RNF128: variants seen among roughly 807,000 people sequenced by gnomAD.
RNF128 encodes E3 ubiquitin-protein ligase RNF128.
In RNF128, 13 loss-of-function variants were observed where a neutral mutation model predicts 26.2. The observed-to-expected ratio is 0.50, with a 90% CI of 0.32 to 0.79. The LOEUF is 0.79. RNF128 is among the 30% of genes least tolerant of loss of function. RNF128 has a pLI of 0.03. For missense variants in RNF128, 315 were observed against 349.7 expected, an observed-to-expected ratio of 0.90 and a Z score of 0.79; for synonymous variants, 149 against 142.5, an observed-to-expected ratio of 1.05 and a Z score of -0.32.
chrX:106,717,509 G>A (rs1490611154), intron 1 of RNF128, among the ~76,000 whole-genome samples: 2 of 111,758 alleles, frequency 1.8e-5, no homozygotes, highest in South Asian at 3.8e-4. Flanking sequence ...TCTTGATACC[G>A]TTAATAGGGT....
intron 1 of RNF128, among the ~76,000 whole-genome samples, chrX:106,770,249 C>A (rs1032493055): frequency 1.8e-5 from 2 of 111,136 alleles, no homozygotes; most frequent in Non-Finnish European, 3.8e-5. Flanking sequence ...CAAGGAGTAT[C>A]TTTGTGGCAT....
At chrX:106,754,100 A>G (rs1261580116) in intron 1 of RNF128, among the ~76,000 whole-genome samples, 1 of 112,504 alleles carries the variant, frequency 8.9e-6, no homozygotes, top group African/African-American at 3.2e-5. Flanking sequence ...GAACAAATGG[A>G]CCTAATAGAT....
At chrX:106,795,129 G>A (rs1335106644) in intron 6 of RNF128, among the ~76,000 whole-genome samples, 1 of 111,484 alleles carries the variant, frequency 9.0e-6, no homozygotes, top group Admixed American at 9.6e-5. Flanking sequence ...ATTTATTACT[G>A]TTTGTATTCA....
At chrX:106,764,005 C>G (rs1215237927) in intron 1 of RNF128, among the ~76,000 whole-genome samples, 2 of 108,839 alleles carry the variant, frequency 1.8e-5, no homozygotes, top group Non-Finnish European at 3.8e-5. Flanking sequence ...CTCTGTCGCC[C>G]AGGCTGGAGT....
At chrX:106,726,286 T>C (rs1929390882), upstream of RNF128, among the ~76,000 whole-genome samples, 2 of 110,549 alleles carry the variant, frequency 1.8e-5, no homozygotes, top group Non-Finnish European at 3.8e-5. Flanking sequence ...AATCAGTAAA[T>C]AGCCTGATTC....
At chrX:106,697,528 T>C (rs997859816) in intron 1 of RNF128, among the ~76,000 whole-genome samples, 3 of 111,912 alleles carry the variant, frequency 2.7e-5, no homozygotes, top group African/African-American at 6.5e-5. Context: ...ACCCTCGTAC[T>C]GTTGTGCAAA....
chrX:106,791,259 G>A (rs372616790), intron 6 of RNF128, 25 bp downstream of exon 6: 6 of 1,185,232 alleles, frequency 5.1e-6, no homozygotes, highest in South Asian at 3.7e-5. Context: ...AAAGGTTAAC[G>A]AGTGCCCTGC....
At chrX:106,762,652 CAT>C (rs1314336450) in intron 1 of RNF128, among the ~76,000 whole-genome samples, 4 of 110,834 alleles carry the variant, frequency 3.6e-5, no homozygotes, top group African/African-American at 6.6e-5. Context: ...CTCAAGGACA[CAT>C]GTGTTGGTTT....
chrX:106,795,406 G>A (rs1462226768), intron 6 of RNF128, among the ~76,000 whole-genome samples, 174 bp from the exon 7 acceptor site: 1 of 111,572 alleles, frequency 9.0e-6, no homozygotes, highest in Non-Finnish European at 1.9e-5. Flanking sequence ...TGCCATATGT[G>A]CTTTATGTAA....
chrX:106,762,022 G>C (rs1930128485), intron 1 of RNF128, among the ~76,000 whole-genome samples: 1 of 109,600 alleles, frequency 9.1e-6, no homozygotes. Flanking sequence ...CAATGTGATT[G>C]TAAATGTAAG....
intron 6 of RNF128, among the ~76,000 whole-genome samples, chrX:106,793,276 C>G (rs1205533605): frequency 1.8e-5 from 2 of 110,968 alleles, no homozygotes; most frequent in Non-Finnish European, 1.9e-5. Flanking sequence ...TAAAAATCAC[C>G]TGGAGAGATT....
At chrX:106,742,609 G>A (rs1929721764) in intron 1 of RNF128, among the ~76,000 whole-genome samples, 1 of 111,528 alleles carries the variant, frequency 9.0e-6, no homozygotes, top group South Asian at 3.8e-4. Flanking sequence ...TCTTTCAGGG[G>A]TCCATGAGAT....
chrX:106,718,914 C>T (rs915342182), intron 1 of RNF128, among the ~76,000 whole-genome samples: 3 of 111,435 alleles, frequency 2.7e-5, no homozygotes, highest in African/African-American at 6.5e-5. Flanking sequence ...TTGTTTACTC[C>T]GAGTTATTGA....
chrX:106,764,891 G>A (rs1392458682), intron 1 of RNF128, among the ~76,000 whole-genome samples: 1 of 111,362 alleles, frequency 9.0e-6, no homozygotes, highest in African/African-American at 3.3e-5. Context: ...TTAGAGAAAA[G>A]ACAAATAATG....
chrX:106,696,746 T>C (rs909865449), intron 1 of RNF128, among the ~76,000 whole-genome samples: 1 of 111,594 alleles, frequency 9.0e-6, no homozygotes, highest in Non-Finnish European at 1.9e-5. Flanking sequence ...ACTTCCACAA[T>C]GTTGTGTCTC....
chrX:106,765,195 T>TA (rs1253327468), intron 1 of RNF128, among the ~76,000 whole-genome samples: 1 of 112,216 alleles, frequency 8.9e-6, no homozygotes, highest in African/African-American at 3.2e-5. Flanking sequence ...GGCTATCATG[T>TA]AAAAATAGTG....
Position 106,726,892 on chromosome X carries a change from G to A in RNF128, c.-22G>A, listed in dbSNP as rs768751202. The A allele has an allele frequency of 1.5e-3, 1,708 of 1,154,213 alleles. 4 individuals are homozygous for A. Among genetic ancestry groups the A allele is most frequent in the Middle Eastern group, 2.3e-3 (7 of 3,031 alleles). On this transcript the variant is annotated 5_prime_UTR_variant, in exon 1 of 7. Transcript: ENST00000255499. ...GGAGGGCGCGTGCCAGGGGCGCTAG[G>A]GAACTGCGGAGCGCGCGCGCCATGG...
chrX:106,704,213 A>G (rs2147658577), intron 1 of RNF128, among the ~76,000 whole-genome samples: 1 of 110,292 alleles, frequency 9.1e-6, no homozygotes, highest in African/African-American at 3.3e-5. Context: ...AGAAGGGCAG[A>G]TCACGAGGTC....
chrX:106,726,934 CG>C lies in RNF128; in HGVS notation c.25del (p.Val9SerfsTer21). On this transcript the variant is annotated frameshift_variant, in exon 1 of 7. Coordinates refer to ENST00000255499, the MANE Select transcript of RNF128 (RefSeq NM_194463.2). LOFTEE classifies it high-confidence loss of function. ...GCGCCATGGGGCCGCCGCCTGGGGC[CG>C]GGGTCTCCTGCCGCGGTGGCTGCGG... The part of the protein sequence containing the change: MGPPPGA[G>X]VSCRGGCGFS... 1 of 1,179,198 alleles carries C rather than the reference CG, an allele frequency of 8.5e-7. No individual in the cohort carries two copies. The highest frequency in any genetic ancestry group is 1.1e-6 in the Non-Finnish European group (1 of 879,920).
Sources: allele counts gnomAD v4.1 joint callset (sites outside exome capture counted in the v4.1 genomes callset), GRCh38; gene constraint gnomAD v4.1.1; transcripts MANE v1.5; gene names NCBI Gene and HGNC (gene_info 2026-07-23, HGNC 2026-07-21).